ZFPM2: variants seen among roughly 807,000 people sequenced by gnomAD.
ZFPM2 encodes the protein zinc finger protein, FOG family member 2.
ZFPM2 carries 20 observed loss-of-function variants against 98.6 expected under a neutral mutation model. The observed-to-expected ratio is 0.20, with a 90% confidence interval of 0.14 to 0.29. The LOEUF is 0.29. Among genes scored for constraint, ZFPM2 ranks in the 10% least tolerant of loss-of-function variants. ZFPM2 has a pLI of 1.00. For missense variants in ZFPM2, 1,310 were observed against 1,388.6 expected (o/e 0.94, Z 0.90); for synonymous variants, 518 against 502.7 (o/e 1.03, Z -0.41).
chr8:105,608,321 A>G (rs956679078), intron 4 of ZFPM2, among the ~76,000 whole-genome samples: 1 of 152,034 alleles, frequency 6.6e-6, no homozygotes, highest in African/African-American at 2.4e-5. Context: ...TAAAATAAAA[A>G]CTTTCTAAAA....
intron 5 of ZFPM2, chr8:105,685,613 C>A (rs1237435124): frequency 5.9e-5 from 9 of 151,764 alleles, no homozygotes; most frequent in Admixed American, 4.6e-4. Flanking sequence ...TTGTTTATTT[C>A]AGTTTAGTCA....
chr8:105,496,525 G>A (rs1163287236), intron 3 of ZFPM2, among the ~76,000 whole-genome samples: 1 of 152,070 alleles, frequency 6.6e-6, no homozygotes, highest in African/African-American at 2.4e-5. Flanking sequence ...CTTTCCCAGT[G>A]CATCATGTCA....
At chr8:105,333,003 A>G (rs1409696440) in intron 1 of ZFPM2, among the ~76,000 whole-genome samples, 1 of 151,740 alleles carries the variant, frequency 6.6e-6, no homozygotes, top group Non-Finnish European at 1.5e-5. Flanking sequence ...TGGTCATTGC[A>G]GATTTTGAAA....
intron 5 of ZFPM2, among the ~76,000 whole-genome samples, chr8:105,712,922 C>T (rs547598218): frequency 3.6e-4 from 54 of 151,962 alleles, no homozygotes; most frequent in African/African-American, 1.1e-3. Flanking sequence ...TGTTCTGTGG[C>T]GTATATTCAC....
chr8:105,586,921 A>G (rs567492471), intron 4 of ZFPM2, among the ~76,000 whole-genome samples: 74 of 151,140 alleles, frequency 4.9e-4, no homozygotes, highest in African/African-American at 1.7e-3. Context: ...GAAGTTTGCC[A>G]TCTAATTAAA....
At position 105,802,323 on chromosome 8, in the gene ZFPM2, T is replaced by G. The variant is rs1190770048; in HGVS notation, c.2241T>G (p.Pro747=). Residue 747 remains proline, a synonymous_variant, in exon 8 of 8, where the codon CCT becomes CCG. Transcript: ENST00000407775. ...KRRKMYEMCL[P]EQEQRPPLVQ... is the part of the protein sequence containing the mutation. ...GAAAGATGTATGAGATGTGCCTACC[T>G]GAGCAGGAACAAAGGCCTCCACTGG... 1 of 1,613,818 alleles carries G rather than the reference T, an allele frequency of 6.2e-7. No homozygotes were observed. The highest frequency in any genetic ancestry group is 1.1e-5 in the South Asian group (1 of 91,056).
chr8:105,414,956 G>A (rs754722323), intron 1 of ZFPM2: 5 of 152,072 alleles, frequency 3.3e-5, no homozygotes, highest in Non-Finnish European at 7.4e-5. Flanking sequence ...TGTTGGTACT[G>A]ACTAGATGAA....
chr8:105,504,555 G>A (rs1813658203), intron 3 of ZFPM2, among the ~76,000 whole-genome samples: 1 of 152,150 alleles, frequency 6.6e-6, no homozygotes, highest in African/African-American at 2.4e-5. Flanking sequence ...TGACTTCTGT[G>A]ATAGATTTTC....
chr8:105,636,256 T>G (rs1432938452), intron 5 of ZFPM2, among the ~76,000 whole-genome samples: 1 of 152,166 alleles, frequency 6.6e-6, no homozygotes, highest in Non-Finnish European at 1.5e-5. Context: ...TATGCTAACT[T>G]GAGCAAACTT....
chr8:105,729,717 T>A (rs569425521), intron 5 of ZFPM2, among the ~76,000 whole-genome samples: 12 of 151,768 alleles, frequency 7.9e-5, no homozygotes, highest in African/African-American at 2.9e-4. Flanking sequence ...CTATGGTTCA[T>A]TGTCATAGAG....
At chr8:105,613,320 G>A (rs1816345291) in intron 4 of ZFPM2, among the ~76,000 whole-genome samples, 1 of 151,974 alleles carries the variant, frequency 6.6e-6, no homozygotes, top group African/African-American at 2.4e-5. Flanking sequence ...GGAGGAGTGA[G>A]AACCCATAAA....
At chr8:105,535,604 T>C (rs1814433759) in intron 3 of ZFPM2, among the ~76,000 whole-genome samples, 1 of 152,168 alleles carries the variant, frequency 6.6e-6, no homozygotes, top group East Asian at 1.9e-4. Context: ...TGGGCTTCTT[T>C]TGAGCATTTC....
At chr8:105,518,491 C>T (rs75935263) in intron 3 of ZFPM2, among the ~76,000 whole-genome samples, 2,497 of 152,262 alleles carry the variant, frequency 0.016, 22 homozygotes, top group Middle Eastern at 0.085. Flanking sequence ...TTTTACACAT[C>T]TCTCATGCAT....
chr8:105,755,410 T>G (rs1456321565), intron 5 of ZFPM2, among the ~76,000 whole-genome samples: 1 of 152,150 alleles, frequency 6.6e-6, no homozygotes, highest in Non-Finnish European at 1.5e-5. Flanking sequence ...TACCACTTCA[T>G]GCACACTGCC....
chr8:105,659,712 G>A (rs1306739480), intron 5 of ZFPM2, among the ~76,000 whole-genome samples: 2 of 151,980 alleles, frequency 1.3e-5, no homozygotes, highest in African/African-American at 2.4e-5. Context: ...AACCCTTGCC[G>A]GAATATAATT....
At chr8:105,492,319 C>T (rs1813371271) in intron 3 of ZFPM2, among the ~76,000 whole-genome samples, 2 of 152,092 alleles carry the variant, frequency 1.3e-5, no homozygotes, top group African/African-American at 4.8e-5. Context: ...TGTATTTCTC[C>T]AACTTTACAT....
chr8:105,568,768 A>G lies in ZFPM2; in HGVS notation c.420+7287A>G, dbSNP rs577595344. Among the ~76,000 whole-genome samples, 12 of 152,294 alleles carry G rather than the reference A, an allele frequency of 7.9e-5. No individual in the cohort carries two copies. The South Asian group carries it at 2.3e-3, about 29-fold the overall frequency. ...GTGCTTTAAAATCATTCTAAAGGGC[A>G]CGAGAATACCCCAAGGTTTTGGTAA... On this transcript the variant is annotated intron_variant, in intron 4 of 7. Transcript: ENST00000407775.
chr8:105,478,984 G>GT (rs1813065309), intron 3 of ZFPM2, among the ~76,000 whole-genome samples: 2 of 152,114 alleles, frequency 1.3e-5, no homozygotes, highest in Non-Finnish European at 2.9e-5. Flanking sequence ...TTATTTTCTG[G>GT]TTGCTCTTCA....
chr8:105,615,433 G>A (rs1402181533), intron 4 of ZFPM2, among the ~76,000 whole-genome samples: 2 of 152,166 alleles, frequency 1.3e-5, no homozygotes, highest in African/African-American at 4.8e-5. Flanking sequence ...ATTAGCGACA[G>A]TGTTTTGATT....
Sources: gnomAD v4.1 joint callset for allele counts (sites outside exome capture counted in the v4.1 genomes callset) on GRCh38, gnomAD v4.1.1 for gene constraint, MANE v1.5 for transcripts, NCBI Gene and HGNC (gene_info 2026-07-23, HGNC 2026-07-21) for gene names.